LOC128092253: variants seen among roughly 807,000 people sequenced by gnomAD.
At chr6:133,976,591 G>A in the LOC128092253 span, among the ~76,000 whole-genome samples, 2 of 152,106 alleles carry the variant, frequency 1.3e-5, no homozygotes, top group African/African-American at 4.8e-5. Context: ...CTAAGCCTTT[G>A]AACTACTAAT....
the LOC128092253 span, among the ~76,000 whole-genome samples, chr6:133,975,214 C>G: frequency 1.3e-5 from 2 of 151,792 alleles, no homozygotes; most frequent in African/African-American, 4.8e-5. Context: ...ATAAATGATA[C>G]TACAGTGAAA....
At chr6:133,954,638 G>A in the LOC128092253 span, among the ~76,000 whole-genome samples, 1 of 152,192 alleles carries the variant, frequency 6.6e-6, no homozygotes, top group African/African-American at 2.4e-5. Context: ...TACATACAAA[G>A]TTCTTTATGT....
At chr6:133,964,950 G>C in the LOC128092253 span, among the ~76,000 whole-genome samples, 3 of 152,244 alleles carry the variant, frequency 2.0e-5, no homozygotes, top group African/African-American at 7.2e-5. Context: ...ACTTTCTCTT[G>C]ATTAAATTCT....
the LOC128092253 span, among the ~76,000 whole-genome samples, chr6:133,962,718 A>G: frequency 8.5e-5 from 13 of 152,194 alleles, no homozygotes; most frequent in African/African-American, 2.9e-4. Context: ...GAGGAAAAGG[A>G]TTTCAGGCAG....
the LOC128092253 span, among the ~76,000 whole-genome samples, chr6:133,955,170 A>T: frequency 6.6e-6 from 1 of 150,890 alleles, no homozygotes; most frequent in Admixed American, 6.6e-5. Flanking sequence ...ATCTTTGTGC[A>T]TATGAGACTT....
the LOC128092253 span, among the ~76,000 whole-genome samples, chr6:133,979,062 TAGG>T: frequency 6.6e-6 from 1 of 152,216 alleles, no homozygotes; most frequent in African/African-American, 2.4e-5. Flanking sequence ...GTATAAATCA[TAGG>T]AGTCTCGGCA....
the LOC128092253 span, among the ~76,000 whole-genome samples, chr6:133,966,461 G>A: frequency 6.6e-5 from 10 of 152,098 alleles, no homozygotes; most frequent in African/African-American, 2.2e-4. Context: ...ACCCATGATG[G>A]TTTTAATTAC....
At chr6:133,974,004 C>CAA in the LOC128092253 span, among the ~76,000 whole-genome samples, 412 of 124,548 alleles carry the variant, frequency 3.3e-3, no homozygotes, top group Non-Finnish European at 4.2e-3. Flanking sequence ...CAGACTTTAC[C>CAA]AAAAAAAAAA....
At chr6:133,963,740 T>G in the LOC128092253 span, among the ~76,000 whole-genome samples, 3 of 151,384 alleles carry the variant, frequency 2.0e-5, no homozygotes, top group African/African-American at 7.3e-5. Flanking sequence ...TTCTTGATCG[T>G]TAAGAACCGG....
At chr6:133,972,093 G>C in the LOC128092253 span, among the ~76,000 whole-genome samples, 1 of 152,150 alleles carries the variant, frequency 6.6e-6, no homozygotes, top group Non-Finnish European at 1.5e-5. Context: ...CAGACATCAA[G>C]AGTCATCTGA....
the LOC128092253 span, among the ~76,000 whole-genome samples, chr6:133,959,545 G>A: frequency 8.6e-3 from 1,309 of 151,904 alleles, 37 homozygotes; most frequent in Admixed American, 0.062. Flanking sequence ...GCAGTGGCGC[G>A]ATCTCGGCTC....
the LOC128092253 span, among the ~76,000 whole-genome samples, chr6:133,960,345 A>C: frequency 6.6e-6 from 1 of 151,922 alleles, no homozygotes; most frequent in African/African-American, 2.4e-5. Flanking sequence ...GTGGCTCAAC[A>C]GATTAAAAAG....
At chr6:133,975,412 A>C in the LOC128092253 span, among the ~76,000 whole-genome samples, 1 of 152,210 alleles carries the variant, frequency 6.6e-6, no homozygotes, top group Admixed American at 6.5e-5. Flanking sequence ...GTTTAAATTC[A>C]ATCTAATTTA....
chr6:133,956,123 C>T, the LOC128092253 span, among the ~76,000 whole-genome samples: 1 of 152,042 alleles, frequency 6.6e-6, no homozygotes, highest in African/African-American at 2.4e-5. Context: ...TGATTGATTT[C>T]CTTCTGTTTC....
At chr6:133,978,053 A>G in the LOC128092253 span, among the ~76,000 whole-genome samples, 6 of 152,190 alleles carry the variant, frequency 3.9e-5, no homozygotes, top group Non-Finnish European at 5.9e-5. Context: ...GCTGACATCT[A>G]TAGTATTTTA....
At chr6:133,960,610 A>G in the LOC128092253 span, among the ~76,000 whole-genome samples, 1 of 152,174 alleles carries the variant, frequency 6.6e-6, no homozygotes, top group Non-Finnish European at 1.5e-5. Flanking sequence ...TAAAATTAGA[A>G]GAGTTTCAAA....
chr6:133,971,282 T>C, the LOC128092253 span, among the ~76,000 whole-genome samples: 2 of 152,192 alleles, frequency 1.3e-5, no homozygotes, highest in African/African-American at 4.8e-5. Flanking sequence ...TACAGCTGAA[T>C]AATATTCACA....
the LOC128092253 span, among the ~76,000 whole-genome samples, chr6:133,964,684 G>A: frequency 2.6e-5 from 4 of 152,084 alleles, no homozygotes; most frequent in East Asian, 1.9e-4. Context: ...TCCTGACCTC[G>A]TGATCCACCC....
At chr6:133,969,129 G>T in the LOC128092253 span, among the ~76,000 whole-genome samples, 3 of 152,030 alleles carry the variant, frequency 2.0e-5, no homozygotes, top group African/African-American at 7.2e-5. Context: ...GCATGAGAAT[G>T]TAAACCATTG....
Sources: gnomAD v4.1 joint callset for allele counts (sites outside exome capture counted in the v4.1 genomes callset) on GRCh38, gnomAD v4.1.1 for gene constraint, MANE v1.5 for transcripts.